Variants in ANO4 observed in about 807,000 individuals in gnomAD.
ANO4 encodes the protein anoctamin 4.
ANO4 carries 69 observed loss-of-function variants against 141.9 expected under a neutral mutation model. That is an observed-to-expected ratio of 0.49 (90% CI 0.40 to 0.59). The LOEUF is 0.59. Among genes scored for constraint, ANO4 ranks in the 20% least tolerant of loss-of-function variants. The pLI is 0.00. For synonymous variants in ANO4, 350 were observed against 394.3 expected (o/e 0.89, Z 1.33); for missense variants, 894 against 1,162.2 (o/e 0.77, Z 3.36).
At chr12:101,090,686 A>G (rs548916591) in intron 17 of ANO4, among the ~76,000 whole-genome samples, 19 of 152,244 alleles carry the variant, frequency 1.2e-4, no homozygotes, top group African/African-American at 4.3e-4. Context: ...AACATGGCAC[A>G]TGTATATATA....
intron 21 of ANO4, among the ~76,000 whole-genome samples, 156 bp from the exon 22 acceptor site, chr12:101,099,422 A>T (rs573804170): frequency 1.7e-4 from 26 of 152,298 alleles, no homozygotes; most frequent in African/African-American, 6.3e-4. Context: ...TATAGACTCC[A>T]TTGTTATTTT....
chr12:100,950,403 G>A (rs2042922619), intron 5 of ANO4, among the ~76,000 whole-genome samples: 1 of 152,206 alleles, frequency 6.6e-6, no homozygotes, highest in Non-Finnish European at 1.5e-5. Context: ...ATTTTCTTCT[G>A]AACCTCAGAG....
chr12:101,115,422 C>T (rs2050814959), intron 24 of ANO4, among the ~76,000 whole-genome samples: 1 of 151,654 alleles, frequency 6.6e-6, no homozygotes, highest in South Asian at 2.1e-4. Flanking sequence ...CACTGCACTC[C>T]AGCAATGAGC....
chr12:100,752,430 C>G (rs2032423770), intron 3 of ANO4, among the ~76,000 whole-genome samples: 1 of 152,072 alleles, frequency 6.6e-6, no homozygotes, highest in Non-Finnish European at 1.5e-5. Flanking sequence ...TTATTACATA[C>G]TCTGATATTT....
chr12:101,043,443 C>T (rs2047491020), intron 12 of ANO4, 96 bp from the exon 13 acceptor site: 1 of 833,728 alleles, frequency 1.2e-6, no homozygotes, highest in Non-Finnish European at 2.0e-6. Context: ...AAACATTTAA[C>T]CTACTGGATC....
intron 14 of ANO4, among the ~76,000 whole-genome samples, chr12:101,072,080 C>A (rs949925999): frequency 6.6e-6 from 1 of 152,126 alleles, no homozygotes; most frequent in Non-Finnish European, 1.5e-5. Flanking sequence ...TGCTATAATA[C>A]ACAAACATCA....
At chr12:100,730,635 A>G (rs2031342953) in intron 1 of ANO4, among the ~76,000 whole-genome samples, 2 of 152,164 alleles carry the variant, frequency 1.3e-5, no homozygotes, top group Non-Finnish European at 2.9e-5. Context: ...ATTGGATAAC[A>G]TGTGGGTCTT....
chr12:100,896,701 A>C (rs2040370349), intron 1 of ANO4, among the ~76,000 whole-genome samples: 1 of 152,222 alleles, frequency 6.6e-6, no homozygotes, highest in African/African-American at 2.4e-5. Context: ...AAGTAAGGGG[A>C]GGTAGCAAGA....
At chr12:100,882,456 G>A (rs1013665715) in intron 1 of ANO4, among the ~76,000 whole-genome samples, 6 of 152,116 alleles carry the variant, frequency 3.9e-5, no homozygotes, top group Non-Finnish European at 8.8e-5. Context: ...AGAAAACTGA[G>A]ACCTCTAGAG....
chr12:100,728,981 A>G (rs1041928965), intron 1 of ANO4, among the ~76,000 whole-genome samples: 5 of 151,612 alleles, frequency 3.3e-5, no homozygotes, highest in Non-Finnish European at 5.9e-5. Flanking sequence ...TCATAACGCA[A>G]ACTCACTTCT....
chr12:100,933,611 T>A (rs2042169317), intron 3 of ANO4, among the ~76,000 whole-genome samples: 2 of 152,252 alleles, frequency 1.3e-5, no homozygotes, highest in African/African-American at 4.8e-5. Context: ...GTAGCATGAT[T>A]TATAATCCTT....
At chr12:100,920,140 C>CT (rs776080643) in intron 2 of ANO4, among the ~76,000 whole-genome samples, 1 of 151,966 alleles carries the variant, frequency 6.6e-6, no homozygotes, top group Non-Finnish European at 1.5e-5. Flanking sequence ...TTGTCTTGAT[C>CT]TGAAGTATTA....
intron 26 of ANO4, among the ~76,000 whole-genome samples, chr12:101,121,831 C>T (rs1358036556): frequency 2.7e-5 from 4 of 148,156 alleles, no homozygotes; most frequent in African/African-American, 7.5e-5. Context: ...GGCACAATCT[C>T]GGCTCACTGC....
At chr12:100,836,450 T>C (rs1282601324) in intron 1 of ANO4, among the ~76,000 whole-genome samples, 1 of 151,882 alleles carries the variant, frequency 6.6e-6, no homozygotes, top group Non-Finnish European at 1.5e-5. Context: ...CATTAACTCG[T>C]CATTTACATT....
chr12:100,819,849 T>G (rs1253157922), intron 1 of ANO4, among the ~76,000 whole-genome samples: 3 of 151,946 alleles, frequency 2.0e-5, no homozygotes, highest in Non-Finnish European at 2.9e-5. Context: ...TTCCTCTCCC[T>G]ATTTCTCCTT....
chr12:101,116,611 G>T, intron 24 of ANO4, 68 bp from the exon 25 acceptor site: 1 of 1,609,078 alleles, frequency 6.2e-7, no homozygotes, highest in South Asian at 1.1e-5. Context: ...GGGAAGCAGG[G>T]TCTTCAGGGA....
At chr12:101,045,273 A>G (rs999928961) in intron 13 of ANO4, among the ~76,000 whole-genome samples, 1 of 152,226 alleles carries the variant, frequency 6.6e-6, no homozygotes, top group Non-Finnish European at 1.5e-5. Context: ...TCAGAGACTC[A>G]AAGAGGTAAA....
chr12:101,096,165 G>A (rs1224545251), intron 18 of ANO4, among the ~76,000 whole-genome samples: 2 of 151,550 alleles, frequency 1.3e-5, no homozygotes, highest in Non-Finnish European at 1.5e-5. Context: ...GAGGAACTAA[G>A]CCTGCATAGA....
chr12:100,773,801 A>C (rs973377276), intron 3 of ANO4, among the ~76,000 whole-genome samples: 10 of 152,252 alleles, frequency 6.6e-5, no homozygotes, highest in African/African-American at 2.4e-4. Context: ...GTAGCAACCA[A>C]GTAAATTTTA....
Sources: allele counts gnomAD v4.1 joint callset (sites outside exome capture counted in the v4.1 genomes callset), GRCh38; gene constraint gnomAD v4.1.1; transcripts MANE v1.5; gene names NCBI Gene and HGNC (gene_info 2026-07-23, HGNC 2026-07-21).